Variants in SOBP observed in about 807,000 individuals in gnomAD.
The protein encoded by SOBP is sine oculis binding protein homolog, also known as sine oculis-binding protein homolog.
A neutral mutation model predicts 53.6 loss-of-function variants in SOBP; 4 were observed. That is an observed-to-expected ratio of 0.07 (90% CI 0.04 to 0.17). The LOEUF (loss-of-function observed/expected upper bound fraction) is 0.17. Ranked by LOEUF, SOBP falls within the 10% of genes least tolerant of loss-of-function variation. The probability of loss-of-function intolerance (pLI) is 1.00; values close to 1 mark genes in which losing one functional copy is unlikely to be tolerated. For synonymous variants in SOBP, 584 were observed against 522.6 expected (o/e 1.12, Z -1.60); for missense variants, 1,088 against 1,204.7 (o/e 0.90, Z 1.43).
chr6:107,493,822 G>GT (rs1782635290), intron 1 of SOBP, among the ~76,000 whole-genome samples: 1 of 152,206 alleles, frequency 6.6e-6, no homozygotes, highest in African/African-American at 2.4e-5. Context: ...GCTGACACCA[G>GT]TAATGGCATT....
At chr6:107,559,861 G>A (rs2115023388) in intron 4 of SOBP, among the ~76,000 whole-genome samples, 1 of 152,228 alleles carries the variant, frequency 6.6e-6, no homozygotes, top group South Asian at 2.1e-4. Context: ...ATCTAAAGTA[G>A]GAATCTCAGT....
chr6:107,632,436 T>C (rs983834063), intron 5 of SOBP, among the ~76,000 whole-genome samples: 1 of 152,252 alleles, frequency 6.6e-6, no homozygotes, highest in African/African-American at 2.4e-5. Flanking sequence ...TTTATCTGTT[T>C]ATAGCTATGG....
rs756630833 is a variant in SOBP at position 107,634,144 on chromosome 6, A to C, written c.1300A>C (p.Ile434Leu). ...SPLSNPMLPG[I>L]GPPPGGPRNL... ...CCTGTCCAACCCCATGCTTCCCGGC[A>C]TCGGGCCCCCGCCCGGTGGCCCCAG... is the stretch of plus-strand genomic sequence containing the variant. The change falls in exon 6 of 7, where the codon ATC (isoleucine) becomes CTC (leucine). Residue 434 changes from isoleucine (I) to leucine (L), a missense_variant. This residue lies in a region of SOBP where 211 missense variants were observed against 258.9 expected (regional missense o/e 0.82). Transcript: ENST00000317357. This position sits in a 1 kb window ranked among gnomAD's most constrained non-coding sequence, Gnocchi z 4.5. The C allele has an allele frequency of 6.2e-7, 1 of 1,610,898 alleles. No individual in the cohort carries two copies. The highest frequency in any genetic ancestry group is 1.7e-5 in the Admixed American group (1 of 59,864).
chr6:107,540,558 C>T (rs1388978923), intron 4 of SOBP, among the ~76,000 whole-genome samples: 1 of 152,218 alleles, frequency 6.6e-6, no homozygotes, highest in Non-Finnish European at 1.5e-5. Context: ...CAGTCTATTG[C>T]ATTCTCTGTA....
At chr6:107,492,713 C>T (rs1439639790) in intron 1 of SOBP, among the ~76,000 whole-genome samples, 1 of 152,180 alleles carries the variant, frequency 6.6e-6, no homozygotes, top group East Asian at 1.9e-4. Flanking sequence ...ACAGAATTTC[C>T]TCTTTTTAAA....
chr6:107,618,186 A>G (rs1255881616), intron 5 of SOBP, among the ~76,000 whole-genome samples: 1 of 152,172 alleles, frequency 6.6e-6, no homozygotes, highest in Non-Finnish European at 1.5e-5. Flanking sequence ...TAATGGGTAA[A>G]TGACTGTACA....
At chr6:107,592,035 A>G (rs1291075378) in intron 5 of SOBP, among the ~76,000 whole-genome samples, 2 of 130,136 alleles carry the variant, frequency 1.5e-5, no homozygotes, top group East Asian at 4.5e-4. Context: ...GAAACAATCC[A>G]TTGATACTAA....
chr6:107,557,478 G>A (rs1784647665), intron 4 of SOBP, among the ~76,000 whole-genome samples: 1 of 152,140 alleles, frequency 6.6e-6, no homozygotes, highest in African/African-American at 2.4e-5. Flanking sequence ...AAGTGTTAAC[G>A]GCTACTCTTT....
intron 4 of SOBP, among the ~76,000 whole-genome samples, chr6:107,586,712 A>T (rs1785579963): frequency 6.6e-6 from 1 of 152,176 alleles, no homozygotes; most frequent in South Asian, 2.1e-4. Context: ...TTATCTAGAG[A>T]TTGCTTAAGC....
At chr6:107,548,750 A>G (rs1784379065) in intron 4 of SOBP, among the ~76,000 whole-genome samples, 1 of 151,810 alleles carries the variant, frequency 6.6e-6, no homozygotes, top group Admixed American at 6.6e-5. Flanking sequence ...CAGCCTGGAC[A>G]ACATAGCAAG....
Position 107,660,549 on chromosome 6 carries a change from C to G in SOBP, c.*2346C>G, listed in dbSNP as rs545370297. 6.6e-6 allele frequency among the ~76,000 whole-genome samples: 1 copy of G among 152,308 alleles called. No individual in the cohort carries two copies. The highest frequency in any genetic ancestry group is 2.4e-5 in the African/African-American group (1 of 41,550). ...ATCAAATGGAGGCAAACATGCTCCA[C>G]GGGTTCCACTCACATCCACACACCA... On this transcript the variant is annotated 3_prime_UTR_variant, in exon 7 of 7. Coordinates refer to ENST00000317357, the MANE Select transcript of SOBP (RefSeq NM_018013.4).
intron 6 of SOBP, among the ~76,000 whole-genome samples, chr6:107,639,868 T>C (rs1174242720): frequency 6.6e-6 from 1 of 152,046 alleles, no homozygotes; most frequent in Non-Finnish European, 1.5e-5. Flanking sequence ...GTACAAGGAG[T>C]AACCCTTTCA....
Position 107,537,464 on chromosome 6 carries a change from A to G in SOBP, c.573+3854A>G, listed in dbSNP as rs537444172. On this transcript the variant is annotated intron_variant, in intron 4 of 6. Transcript: ENST00000317357. ...TTCTTTATGGATTCGGAATGTTGATAATTTACAAGTAAACACAAATTCCTA... is the reference window on the plus strand; with the variant it reads ...TTCTTTATGGATTCGGAATGTTGATGATTTACAAGTAAACACAAATTCCTA... Among the ~76,000 whole-genome samples, 6 of 152,370 alleles carry G rather than the reference A, an allele frequency of 3.9e-5. No homozygotes were observed. In the South Asian group the frequency reaches 1.0e-3, roughly 26 times the overall value.
chr6:107,537,574 A>T (rs1249843191), intron 4 of SOBP, among the ~76,000 whole-genome samples: 1 of 152,166 alleles, frequency 6.6e-6, no homozygotes, highest in Admixed American at 6.5e-5. Flanking sequence ...TAATCCCAGC[A>T]CTTTGGGAGG....
intron 6 of SOBP, among the ~76,000 whole-genome samples, chr6:107,655,827 A>T (rs1288991269): frequency 2.0e-5 from 3 of 152,184 alleles, no homozygotes; most frequent in Admixed American, 1.3e-4. Context: ...TCTTTGTCCA[A>T]AGGTGATTTG....
At chr6:107,553,572 C>T (rs533880288) in intron 4 of SOBP, among the ~76,000 whole-genome samples, 7 of 151,838 alleles carry the variant, frequency 4.6e-5, no homozygotes, top group South Asian at 4.2e-4. Flanking sequence ...CTGCAACCTC[C>T]GCCTCCCCAG....
chr6:107,595,247 G>A (rs926656030), intron 5 of SOBP, among the ~76,000 whole-genome samples: 2 of 151,614 alleles, frequency 1.3e-5, no homozygotes, highest in African/African-American at 2.4e-5. Context: ...TGGTAGACTT[G>A]GGACATTAAA....
intron 4 of SOBP, among the ~76,000 whole-genome samples, chr6:107,551,415 C>T (rs987175176): frequency 4.6e-5 from 7 of 152,160 alleles, no homozygotes; most frequent in Admixed American, 3.3e-4. Flanking sequence ...TAATTTAGTA[C>T]GCACACACAC....
At chr6:107,564,788 G>A (rs904199111) in intron 4 of SOBP, among the ~76,000 whole-genome samples, 13 of 152,234 alleles carry the variant, frequency 8.5e-5, no homozygotes, top group Admixed American at 1.3e-4. Flanking sequence ...CATTTGCCTC[G>A]GGGAGCCAAA....
Sources: allele counts gnomAD v4.1 joint callset (sites outside exome capture counted in the v4.1 genomes callset), GRCh38; gene constraint gnomAD v4.1.1; regional missense constraint gnomAD v4.1.1; non-coding constraint Gnocchi (gnomAD v3.1); transcripts MANE v1.5; gene names NCBI Gene and HGNC (gene_info 2026-07-23, HGNC 2026-07-21).